Variants in KIF16B observed in about 807,000 individuals in gnomAD.
The protein encoded by KIF16B is kinesin family member 16B, also known as kinesin-like protein KIF16B.
KIF16B carries 98 observed loss-of-function variants against 156.3 expected under a neutral mutation model. That is an observed-to-expected ratio of 0.63 (90% CI 0.53 to 0.74). KIF16B has a LOEUF of 0.74. Ranked by LOEUF, KIF16B falls within the 30% of genes least tolerant of loss-of-function variation. The probability of loss-of-function intolerance (pLI) is 0.00; values close to 1 mark genes in which losing one functional copy is unlikely to be tolerated. For synonymous variants in KIF16B, 564 were observed against 583.7 expected, an observed-to-expected ratio of 0.97 and a Z score of 0.49; for missense variants, 1,421 against 1,606.5, an observed-to-expected ratio of 0.88 and a Z score of 1.97.
In KIF16B at chr20:16,573,343, G is replaced by A; in HGVS notation, c.-68C>T. On this transcript the variant is annotated 5_prime_UTR_variant, in exon 1 of 26. Coordinates refer to ENST00000354981, the MANE Select transcript of KIF16B (RefSeq NM_024704.5). ...AACTCCGCGGTCGCCGGCGACGCTGGCTACTCAGATCGCGGCTCCCGCCCA... is the reference window on the plus strand; with the variant it reads ...AACTCCGCGGTCGCCGGCGACGCTGACTACTCAGATCGCGGCTCCCGCCCA... 1 of 1,549,146 alleles carries A rather than the reference G, an allele frequency of 6.5e-7. No homozygotes were observed.
chr20:16,506,799 A>C (rs1279671480), intron 7 of KIF16B, among the ~76,000 whole-genome samples: 2 of 152,124 alleles, frequency 1.3e-5, no homozygotes, highest in Non-Finnish European at 2.9e-5. Context: ...AACCTCTTAG[A>C]AATGAGAGAT....
chr20:16,499,019 C>T (rs1399753803), intron 10 of KIF16B, among the ~76,000 whole-genome samples: 2 of 152,008 alleles, frequency 1.3e-5, no homozygotes, highest in African/African-American at 4.8e-5. Flanking sequence ...CATAAGCGTT[C>T]GTCTTGGTAG....
chr20:16,498,658 C>T (rs2068523664), intron 10 of KIF16B, among the ~76,000 whole-genome samples: 1 of 151,920 alleles, frequency 6.6e-6, no homozygotes, highest in African/African-American at 2.4e-5. Context: ...TTCTATGATT[C>T]ATGTTAGTGC....
At chr20:16,278,175 C>T (rs985302356) in intron 25 of KIF16B, among the ~76,000 whole-genome samples, 7 of 151,538 alleles carry the variant, frequency 4.6e-5, no homozygotes, top group African/African-American at 1.2e-4. Flanking sequence ...GAGAAGAGGC[C>T]GAGAGAGACA....
intron 1 of KIF16B, among the ~76,000 whole-genome samples, chr20:16,544,607 C>CA (rs11472848): frequency 0.2 from 13,147 of 64,324 alleles, 1,691 homozygotes; most frequent in East Asian, 0.37. Context: ...AAAGCCATCT[C>CA]AAAAAAAAAA....
chr20:16,298,873 G>A (rs1475909311), intron 25 of KIF16B, among the ~76,000 whole-genome samples: 2 of 151,122 alleles, frequency 1.3e-5, no homozygotes, highest in Non-Finnish European at 2.9e-5. Context: ...ACAGGTAAAT[G>A]ACATGCTGTC....
At position 16,406,325 on chromosome 20, in the gene KIF16B, T is replaced by C. The variant is rs751719801; in HGVS notation, c.1695+49A>G. 4 of 1,515,980 alleles carry C rather than the reference T, an allele frequency of 2.6e-6. No homozygotes were observed. In the South Asian group the frequency reaches 3.4e-5, roughly 13 times the overall value. The allele number at this position is 1,515,980 out of a possible 1,614,324, so 93.9% of individuals were successfully genotyped here. On this transcript the variant is annotated intron_variant, in intron 16 of 25. Transcript: ENST00000354981. ...AACCAGAGTGACCACCACCCACTCATCCTCACATACGATCAGTGGTTCCCT... is the reference window on the plus strand; with the variant it reads ...AACCAGAGTGACCACCACCCACTCACCCTCACATACGATCAGTGGTTCCCT...
At chr20:16,299,013 G>A (rs977460129) in intron 25 of KIF16B, among the ~76,000 whole-genome samples, 2 of 152,118 alleles carry the variant, frequency 1.3e-5, no homozygotes, top group Non-Finnish European at 2.9e-5. Context: ...CATACATGTT[G>A]TAAGACAGAA....
intron 24 of KIF16B, among the ~76,000 whole-genome samples, chr20:16,324,414 C>T (rs1044023965): frequency 6.6e-6 from 1 of 151,962 alleles, no homozygotes; most frequent in African/African-American, 2.4e-5. Flanking sequence ...TATTTGATTC[C>T]TCATATCTAA....
intron 1 of KIF16B, among the ~76,000 whole-genome samples, chr20:16,570,289 T>G (rs1484406709): frequency 2.0e-5 from 3 of 152,166 alleles, no homozygotes; most frequent in African/African-American, 7.2e-5. Context: ...AAAGTAGAAA[T>G]GAAATGGTCA....
At chr20:16,403,235 A>G (rs1323434550) in intron 17 of KIF16B, among the ~76,000 whole-genome samples, 2 of 152,206 alleles carry the variant, frequency 1.3e-5, no homozygotes, top group Non-Finnish European at 2.9e-5. Flanking sequence ...TAGACAAACA[A>G]TATTTAACGG....
chr20:16,428,458 G>A lies in KIF16B; in HGVS notation c.1474+495C>T, dbSNP rs140961242. Among the ~76,000 whole-genome samples, 32 of 152,204 alleles carry A rather than the reference G, an allele frequency of 2.1e-4. No individual in the cohort carries two copies. In the East Asian group the frequency reaches 5.6e-3, roughly 27 times the overall value. ...GTAGGCTAAGTCACTGATTATTTGC[G>A]TGTCTTGTGAAGACTTTCAGGAAAC... On this transcript the variant is annotated intron_variant, in intron 14 of 25. Transcript: ENST00000354981.
chr20:16,571,878 C>T (rs1476858458), intron 1 of KIF16B, among the ~76,000 whole-genome samples: 1 of 152,164 alleles, frequency 6.6e-6, no homozygotes, highest in Non-Finnish European at 1.5e-5. Context: ...ATCCGCCCGC[C>T]TCGGCCTCCC....
chr20:16,523,941 A>G (rs1323629367), intron 3 of KIF16B, among the ~76,000 whole-genome samples: 1 of 152,234 alleles, frequency 6.6e-6, no homozygotes, highest in Admixed American at 6.5e-5. Flanking sequence ...TCCCTATTTA[A>G]TAAATGGTGT....
At chr20:16,511,202 CT>C (rs1357883865) in intron 6 of KIF16B, among the ~76,000 whole-genome samples, 1 of 152,200 alleles carries the variant, frequency 6.6e-6, no homozygotes, top group Admixed American at 6.5e-5. Flanking sequence ...CAGAGGAAAT[CT>C]ATTGGTAAGC....
intron 22 of KIF16B, among the ~76,000 whole-genome samples, chr20:16,358,845 G>C (rs894833441): frequency 6.6e-6 from 1 of 152,212 alleles, no homozygotes; most frequent in Non-Finnish European, 1.5e-5. Flanking sequence ...ACTTACCTTT[G>C]ACTTTCTAAA....
chr20:16,443,667 T>C (rs964740581), intron 12 of KIF16B, among the ~76,000 whole-genome samples: 2 of 152,210 alleles, frequency 1.3e-5, no homozygotes, highest in African/African-American at 2.4e-5. Flanking sequence ...TATTAACATA[T>C]CTTTAGCTAG....
chr20:16,406,534 C>T (rs2065791735), intron 15 of KIF16B, 78 bp from the exon 16 acceptor site: 2 of 1,183,166 alleles, frequency 1.7e-6, no homozygotes, highest in African/African-American at 3.0e-5. Flanking sequence ...TGGAATTCTA[C>T]TGTTGAAATG....
At chr20:16,478,329 A>C (rs769604632) in intron 12 of KIF16B, among the ~76,000 whole-genome samples, 1 of 152,220 alleles carries the variant, frequency 6.6e-6, no homozygotes, top group Non-Finnish European at 1.5e-5. Context: ...ATGAGGATGT[A>C]GACCAACCGG....
Sources: allele counts gnomAD v4.1 joint callset (sites outside exome capture counted in the v4.1 genomes callset), GRCh38; gene constraint gnomAD v4.1.1; transcripts MANE v1.5; gene names NCBI Gene and HGNC (gene_info 2026-07-23, HGNC 2026-07-21).